METTL16: variants seen among roughly 807,000 people sequenced by gnomAD.
The protein encoded by METTL16 is RNA N(6)-adenosine-methyltransferase METTL16.
In METTL16, 19 loss-of-function variants were observed where a neutral mutation model predicts 57.9. The ratio of observed to expected loss-of-function variants is 0.33; its 90% confidence interval spans 0.23 to 0.48. METTL16 has a LOEUF of 0.48. Ranked by LOEUF, METTL16 falls within the 20% of genes least tolerant of loss-of-function variation. The pLI, the probability that METTL16 is intolerant of heterozygous loss-of-function variation, is 0.99. For synonymous variants in METTL16, 246 were observed against 255.6 expected, an observed-to-expected ratio of 0.96 and a Z score of 0.36; for missense variants, 434 against 691.5, an observed-to-expected ratio of 0.63 and a Z score of 4.18.
intron 2 of METTL16, among the ~76,000 whole-genome samples, chr17:2,487,623 CAG>C (rs1477772629): frequency 6.6e-6 from 1 of 152,152 alleles, no homozygotes; most frequent in African/African-American, 2.4e-5. Flanking sequence ...CCCTGAAAAT[CAG>C]AGTCAGTGAC....
intron 8 of METTL16, among the ~76,000 whole-genome samples, chr17:2,432,936 T>C (rs2066883997): frequency 6.6e-6 from 1 of 152,192 alleles, no homozygotes; most frequent in Admixed American, 6.5e-5. Context: ...AAGTAGCCTG[T>C]TCTATGTAAA....
At position 2,438,255 on chromosome 17, in the gene METTL16, C is replaced by A; in HGVS notation, c.799-57G>T. 2.4e-6 allele frequency: 3 copies of A among 1,274,280 alleles called. No homozygotes were observed. The Middle Eastern group carries it at 5.5e-4, about 235-fold the overall frequency. 78.9% of individuals were successfully genotyped at this position (1,274,280 alleles called of 1,614,324 possible). Reference sequence around the variant, plus strand: ...CTGCAATCATTCTACCAATATGTTTCTGGCTGCTGCGTCATGCCATATTAT... The same window carrying A: ...CTGCAATCATTCTACCAATATGTTTATGGCTGCTGCGTCATGCCATATTAT... On this transcript the variant is annotated intron_variant, in intron 7 of 9. Coordinates refer to ENST00000263092, the MANE Select transcript of METTL16 (RefSeq NM_024086.4).
At chr17:2,446,596 C>T (rs1347726354) in intron 6 of METTL16, among the ~76,000 whole-genome samples, 2 of 149,746 alleles carry the variant, frequency 1.3e-5, no homozygotes, top group Non-Finnish European at 3.0e-5. Flanking sequence ...TCCTGGCTCT[C>T]CCTCTCCCTC....
At position 2,420,579 on chromosome 17, in the gene METTL16, A is replaced by T. The variant is rs1220568239; in HGVS notation, c.1080T>A (p.Val360=). ...GGCTGACTTCCTCTTTTCCACAGGG[A>T]ACTCGTTTATGCTGGACCTGTTTGG... ...LTDLKVQHKR[V]PCGKEEVSLF... Residue 360 remains valine, a synonymous_variant, in exon 10 of 10, where the codon GTT becomes GTA. Transcript: ENST00000263092. This position sits in a 1 kb window ranked among gnomAD's most constrained non-coding sequence, Gnocchi z 5.4. 3 of 1,611,980 alleles carry T rather than the reference A, an allele frequency of 1.9e-6. No individual in the cohort carries two copies. In the South Asian group the frequency reaches 3.3e-5, roughly 18 times the overall value.
chr17:2,462,743 C>G (rs768663993), intron 6 of METTL16, among the ~76,000 whole-genome samples: 4 of 152,122 alleles, frequency 2.6e-5, no homozygotes, highest in Non-Finnish European at 4.4e-5. Context: ...TCCGGTACAG[C>G]CTGTGGAACT....
chr17:2,428,606 T>C lies in METTL16; in HGVS notation c.889-7702A>G, dbSNP rs1193446554. ...ATATATATATATATATATATATAAA[T>C]TGTAATACAGCGGGGCACAGTGGCT... On this transcript the variant is annotated intron_variant, in intron 8 of 9. Transcript: ENST00000263092. Among the ~76,000 whole-genome samples, 55 of 64,444 alleles carry C rather than the reference T, an allele frequency of 8.5e-4. 1 individual carries two copies. Among genetic ancestry groups the C allele is most frequent in the Non-Finnish European group, 1.2e-3 (44 of 35,878 alleles). The allele number at this position is 64,444 out of a possible 152,430, so 42.3% of individuals were successfully genotyped here.
At chr17:2,476,469 G>A (rs1046720623) in intron 3 of METTL16, among the ~76,000 whole-genome samples, 3 of 152,098 alleles carry the variant, frequency 2.0e-5, no homozygotes, top group East Asian at 1.9e-4. Flanking sequence ...GGAGAACAGT[G>A]CAAAGAAATG....
At chr17:2,473,783 G>C (rs906329567) in intron 3 of METTL16, 119 bp from the exon 4 acceptor site, 3 of 1,078,190 alleles carry the variant, frequency 2.8e-6, no homozygotes, top group African/African-American at 3.2e-5. Flanking sequence ...CTGTCGCCCA[G>C]GCTACAGTGC....
intron 7 of METTL16, among the ~76,000 whole-genome samples, chr17:2,440,137 G>T (rs1467724880): frequency 6.6e-6 from 1 of 152,200 alleles, no homozygotes; most frequent in Non-Finnish European, 1.5e-5. Flanking sequence ...TGTGCCAACA[G>T]TCCCAGCTAC....
chr17:2,428,583 ATATATATATATATATATAT>A (rs1567881595), intron 8 of METTL16, among the ~76,000 whole-genome samples: 11 of 46,200 alleles, frequency 2.4e-4, no homozygotes, highest in African/African-American at 1.0e-3. Flanking sequence ...ATATATATAT[ATATATATATATATATATAT>A]AAATTGTAAT....
chr17:2,479,269 T>A (rs932318867), intron 2 of METTL16, among the ~76,000 whole-genome samples: 1 of 151,182 alleles, frequency 6.6e-6, no homozygotes, highest in Non-Finnish European at 1.5e-5. Flanking sequence ...CAGGCTCAAG[T>A]GACCCTCCTG....
At chr17:2,455,976 C>T (rs980999303) in intron 6 of METTL16, among the ~76,000 whole-genome samples, 1 of 151,584 alleles carries the variant, frequency 6.6e-6, no homozygotes, top group Non-Finnish European at 1.5e-5. Flanking sequence ...GAGCAAGACC[C>T]TGTCTCGAAA....
chr17:2,458,183 G>A (rs1218360208), intron 6 of METTL16, among the ~76,000 whole-genome samples: 1 of 152,006 alleles, frequency 6.6e-6, no homozygotes, highest in Non-Finnish European at 1.5e-5. Context: ...CCTGGCCTAG[G>A]CCCAGATTAT....
chr17:2,467,669 A>G (rs369750305), intron 5 of METTL16, 92 bp downstream of exon 5: 18 of 860,430 alleles, frequency 2.1e-5, no homozygotes, highest in East Asian at 1.6e-4. Flanking sequence ...TTCATGATTC[A>G]CCCGCCTTGG....
chr17:2,431,931 C>G (rs1311355020), intron 8 of METTL16, among the ~76,000 whole-genome samples: 1 of 146,536 alleles, frequency 6.8e-6, no homozygotes, highest in African/African-American at 2.7e-5. Context: ...CTCAGAAGCT[C>G]AATGTGACTC....
chr17:2,473,745 G>C, intron 3 of METTL16, 81 bp from the exon 4 acceptor site: 1 of 1,441,642 alleles, frequency 6.9e-7, no homozygotes, highest in Non-Finnish European at 9.4e-7. Context: ...ATTCTTCTCA[G>C]AATTCTGTTT....
intron 2 of METTL16, among the ~76,000 whole-genome samples, chr17:2,497,299 C>A (rs1008500864): frequency 4.8e-5 from 7 of 146,074 alleles, no homozygotes; most frequent in Admixed American, 3.5e-4. Flanking sequence ...CGCCACTGCA[C>A]CCGGCCTTTT....
chr17:2,447,448 TGGG>T (rs1194200127), intron 6 of METTL16, among the ~76,000 whole-genome samples: 1 of 84,888 alleles, frequency 1.2e-5, no homozygotes, highest in Non-Finnish European at 2.4e-5. Flanking sequence ...GGGAGGGAGG[TGGG>T]GGGGGTCAGC....
intron 1 of METTL16, among the ~76,000 whole-genome samples, chr17:2,505,158 TTATA>T (rs374204937): frequency 6.6e-6 from 1 of 151,100 alleles, no homozygotes; most frequent in African/African-American, 2.4e-5. Context: ...TATTTTACTA[TTATA>T]TATATATATA....
Sources: allele counts gnomAD v4.1 joint callset (sites outside exome capture counted in the v4.1 genomes callset), GRCh38; gene constraint gnomAD v4.1.1; non-coding constraint Gnocchi (gnomAD v3.1); transcripts MANE v1.5; gene names NCBI Gene and HGNC (gene_info 2026-07-23, HGNC 2026-07-21).